SLC23A2: variants seen among roughly 807,000 people sequenced by gnomAD.
SLC23A2 encodes the protein solute carrier family 23 member 2, also known as Na(+)/L-ascorbic acid transporter 2.
Under a neutral mutation model 73.3 loss-of-function variants are expected in SLC23A2, and 36 were observed. That is an observed-to-expected ratio of 0.49 (90% CI 0.38 to 0.65). The LOEUF is 0.65. Ranked by LOEUF, SLC23A2 falls within the 30% of genes least tolerant of loss-of-function variation. The pLI, the probability that SLC23A2 is intolerant of heterozygous loss-of-function variation, is 0.00. For synonymous variants in SLC23A2, 343 were observed against 327.3 expected, an observed-to-expected ratio of 1.05 and a Z score of -0.52; for missense variants, 507 against 841.6, an observed-to-expected ratio of 0.60 and a Z score of 4.92.
rs75039547 is a variant in SLC23A2, at chr20:4,924,737, C to T, written c.108+7718G>A. Among the ~76,000 whole-genome samples, 1,509 of 152,370 alleles carry T rather than the reference C, an allele frequency of 9.9e-3. 16 individuals carry two copies. The highest frequency in any genetic ancestry group is 0.035 in the African/African-American group (1,438 of 41,588). On this transcript the variant is annotated intron_variant, in intron 3 of 16. Transcript: ENST00000338244. The stretch of plus-strand genomic sequence containing the variant: ...TTCCCACAACTCCTCCAGGACTTTA[C>T]TCAAAGGCCGCCTTCTTGGTGCAGC...
intron 1 of SLC23A2, among the ~76,000 whole-genome samples, chr20:5,006,819 G>A (rs2088196944): frequency 6.6e-6 from 1 of 152,082 alleles, no homozygotes; most frequent in Non-Finnish European, 1.5e-5. Flanking sequence ...GGGATTATAG[G>A]AGTGAGCCAC....
chr20:4,966,369 C>T (rs1191679141), intron 2 of SLC23A2, among the ~76,000 whole-genome samples: 2 of 152,024 alleles, frequency 1.3e-5, no homozygotes, highest in Admixed American at 6.6e-5. Context: ...AAACATATTG[C>T]TCAGTGGTAA....
chr20:4,984,409 C>T (rs1198548533), intron 1 of SLC23A2, among the ~76,000 whole-genome samples: 1 of 151,978 alleles, frequency 6.6e-6, no homozygotes, highest in Non-Finnish European at 1.5e-5. Flanking sequence ...AAAAAATTAG[C>T]CGGGCATGGT....
rs373667772 is a variant in SLC23A2 at position 4,979,098 on chromosome 20, G to C, written c.-281-8179C>G. 1.1e-4 allele frequency among the ~76,000 whole-genome samples: 16 copies of C among 152,184 alleles called. No individual in the cohort carries two copies. The East Asian group carries it at 3.1e-3, about 29-fold the overall frequency. On this transcript the variant is annotated intron_variant, in intron 1 of 16. Transcript: ENST00000338244. ...TCACAAGGTCAGGAGTTCGAGACCAGCCTGGCCAACATGGCAAAACCCCAT... is the reference window on the plus strand; with the variant it reads ...TCACAAGGTCAGGAGTTCGAGACCACCCTGGCCAACATGGCAAAACCCCAT...
At position 4,867,815 on chromosome 20, in the gene SLC23A2, G is replaced by A. The variant is rs1454608925; in HGVS notation, c.1311C>T (p.Gly437=). ...CAATGTTGGGACTGGATGAAGTAGAGCCATTCCCAGTACCAAATATGCCAT... is the reference window on the plus strand; with the variant it reads ...CAATGTTGGGACTGGATGAAGTAGAACCATTCCCAGTACCAAATATGCCAT... The part of the protein sequence containing the change: ...VLDGIFGTGN[G]STSSSPNIGV... Residue 437 remains glycine, a synonymous_variant, in exon 13 of 17, where the codon GGC becomes GGT. Coordinates refer to ENST00000338244, the MANE Select transcript of SLC23A2 (RefSeq NM_005116.6). 1 of 1,611,070 alleles carries A rather than the reference G, an allele frequency of 6.2e-7. No individual in the cohort carries two copies. Among genetic ancestry groups the A allele is most frequent in the Admixed American group, 1.7e-5 (1 of 59,966 alleles).
chr20:4,964,031 G>C (rs527553208), intron 2 of SLC23A2, among the ~76,000 whole-genome samples: 13 of 147,794 alleles, frequency 8.8e-5, no homozygotes, highest in Admixed American at 1.4e-4. Flanking sequence ...TTTTGAGATA[G>C]GGTCTCACTC....
At chr20:4,876,891 CA>C (rs967072845) in intron 9 of SLC23A2, among the ~76,000 whole-genome samples, 11 of 152,144 alleles carry the variant, frequency 7.2e-5, no homozygotes, top group African/African-American at 2.7e-4. Flanking sequence ...TTATCTAAGC[CA>C]AACTGGAATC....
intron 11 of SLC23A2, among the ~76,000 whole-genome samples, chr20:4,873,367 G>A (rs1843511953): frequency 2.0e-5 from 3 of 152,132 alleles, no homozygotes; most frequent in Admixed American, 6.5e-5. Context: ...GCGAGTCCAG[G>A]TGACACCCCA....
intron 2 of SLC23A2, among the ~76,000 whole-genome samples, chr20:4,938,334 C>CTTT (rs752802054): frequency 1.6e-5 from 2 of 124,902 alleles, no homozygotes; most frequent in African/African-American, 3.2e-5. Context: ...CTCATTCCAT[C>CTTT]TTTTTTTTTT....
chr20:4,945,333 C>T (rs1213924226), intron 2 of SLC23A2, among the ~76,000 whole-genome samples: 1 of 152,102 alleles, frequency 6.6e-6, no homozygotes, highest in African/African-American at 2.4e-5. Flanking sequence ...TTTTTTGAGA[C>T]ACAGTCTGGC....
intron 2 of SLC23A2, among the ~76,000 whole-genome samples, chr20:4,949,104 G>A (rs1476329055): frequency 1.3e-5 from 2 of 151,938 alleles, no homozygotes; most frequent in Non-Finnish European, 2.9e-5. Flanking sequence ...TGCTCAACAT[G>A]GTGAAACCCC....
intron 6 of SLC23A2, among the ~76,000 whole-genome samples, chr20:4,896,114 G>A (rs2122858103): frequency 6.6e-6 from 1 of 152,304 alleles, no homozygotes; most frequent in Admixed American, 6.5e-5. Flanking sequence ...TGGGGGGGAT[G>A]AGAGAAGAGG....
intron 3 of SLC23A2, among the ~76,000 whole-genome samples, chr20:4,922,723 T>C (rs1012782060): frequency 6.6e-6 from 1 of 151,796 alleles, no homozygotes; most frequent in Non-Finnish European, 1.5e-5. Context: ...AGCTAGCTAC[T>C]TGGGAGGCTG....
intron 1 of SLC23A2, among the ~76,000 whole-genome samples, chr20:4,983,040 G>T (rs1447740882): frequency 1.3e-5 from 2 of 152,014 alleles, no homozygotes; most frequent in Admixed American, 6.6e-5. Flanking sequence ...AGGAGGCAGA[G>T]GTTGTAGTGA....
rs1256654967 is a variant in SLC23A2 at position 4,868,689 on chromosome 20, T to C, written c.1251-814A>G. ...GTGCAGCAGCTCCATTAGAGAAAGA[T>C]GGGGACATCAGGTACCAGAGCCAAG... On this transcript the variant is annotated intron_variant, in intron 12 of 16. Transcript: ENST00000338244. The surrounding 1 kb of genome is among the most constrained non-coding windows in gnomAD (Gnocchi z 4.4). Among the ~76,000 whole-genome samples the C allele has an allele frequency of 6.6e-6, 1 of 152,200 alleles. No homozygotes were observed. The highest frequency in any genetic ancestry group is 1.9e-4 in the East Asian group (1 of 5,204).
intron 3 of SLC23A2, among the ~76,000 whole-genome samples, chr20:4,917,364 C>T (rs1932360446): frequency 6.6e-6 from 1 of 152,098 alleles, no homozygotes; most frequent in African/African-American, 2.4e-5. Flanking sequence ...GGACTTAATG[C>T]CCCCTGAAGA....
chr20:4,988,410 C>A (rs1373626947), intron 1 of SLC23A2, among the ~76,000 whole-genome samples: 1 of 151,994 alleles, frequency 6.6e-6, no homozygotes, highest in Non-Finnish European at 1.5e-5. Flanking sequence ...CGAGATCAGC[C>A]TGGCCAACAT....
chr20:4,881,457 C>T (rs543368295), intron 9 of SLC23A2, among the ~76,000 whole-genome samples: 6 of 152,252 alleles, frequency 3.9e-5, no homozygotes, highest in Admixed American at 3.9e-4. Flanking sequence ...CTGAAAACCA[C>T]TATTTTCTTA....
intron 6 of SLC23A2, among the ~76,000 whole-genome samples, chr20:4,886,698 A>G (rs1931112031): frequency 6.6e-6 from 1 of 152,240 alleles, no homozygotes; most frequent in African/African-American, 2.4e-5. Context: ...CAGCTAAGTC[A>G]CATTAAAGTG....
Sources: allele counts gnomAD v4.1 joint callset (sites outside exome capture counted in the v4.1 genomes callset), GRCh38; gene constraint gnomAD v4.1.1; non-coding constraint Gnocchi (gnomAD v3.1); transcripts MANE v1.5; gene names NCBI Gene and HGNC (gene_info 2026-07-23, HGNC 2026-07-21).